The following CCDC13 variants were observed in gnomAD, a reference collection of about 807,000 sequenced individuals.
The protein encoded by CCDC13 is coiled-coil domain containing 13.
In CCDC13, 70 loss-of-function variants were observed where a neutral mutation model predicts 87.3. The observed-to-expected ratio is 0.80, with a 90% confidence interval of 0.66 to 0.98. CCDC13 has a LOEUF of 0.98. Among genes scored for constraint, CCDC13 ranks in the 50% least tolerant of loss-of-function variants. The probability of loss-of-function intolerance (pLI) is 0.00; values close to 1 mark genes in which losing one functional copy is unlikely to be tolerated. For synonymous variants in CCDC13, 317 were observed against 360.3 expected (o/e 0.88, Z 1.36); for missense variants, 842 against 892.0 (o/e 0.94, Z 0.71).
intron 13 of CCDC13, among the ~76,000 whole-genome samples, chr3:42,728,286 G>C (rs1028577389): frequency 6.6e-6 from 1 of 152,124 alleles, no homozygotes; most frequent in Non-Finnish European, 1.5e-5. Context: ...TGGGATGCTG[G>C]GATGAGCACA....
chr3:42,718,496 C>T (rs919906867), intron 13 of CCDC13, among the ~76,000 whole-genome samples: 2 of 152,264 alleles, frequency 1.3e-5, no homozygotes, highest in Admixed American at 1.3e-4. Context: ...AATAAACTTG[C>T]TTTTGCTTTG....
At chr3:42,709,393 C>G (rs1698248875) in intron 15 of CCDC13, among the ~76,000 whole-genome samples, 1 of 152,240 alleles carries the variant, frequency 6.6e-6, no homozygotes, top group South Asian at 2.1e-4. Context: ...CCGTCTTTCC[C>G]TTCCCATGGC....
At chr3:42,751,869 G>T in intron 5 of CCDC13, 67 bp downstream of exon 5, 1 of 1,432,910 alleles carries the variant, frequency 7.0e-7, no homozygotes. Flanking sequence ...CTACACACCT[G>T]TGGAGGAGGG....
Position 42,732,883 on chromosome 3 carries a change from A to C in CCDC13, c.1595+4T>G. 6.4e-7 allele frequency: 1 copy of C among 1,552,100 alleles called. No individual in the cohort carries two copies. On this transcript the variant is annotated splice_donor_region_variant and intron_variant, in intron 12 of 15. Transcript: ENST00000310232. ...GTGAGAGTCCGGGGGTCGGGGGTCC[A>C]TACCTAGGTGAGGTCCTGTGGGGAC...
At position 42,709,818 on chromosome 3, in the gene CCDC13, A is replaced by G. The variant is rs1376278876; in HGVS notation, c.1874-20T>C. ...GCAGACCTGTGGGGCAGCAGCAACC[A>G]CTTTCTGTGAGGAGGCCACAGCCCT... is the stretch of plus-strand genomic sequence containing the variant. On this transcript the variant is annotated intron_variant, in intron 14 of 15. Coordinates refer to ENST00000310232, the MANE Select transcript of CCDC13 (RefSeq NM_144719.4). 2 of 1,592,228 alleles carry G rather than the reference A, an allele frequency of 1.3e-6. No individual in the cohort carries two copies. Among genetic ancestry groups the G allele is most frequent in the Admixed American group, 3.3e-5 (2 of 59,990 alleles).
chr3:42,736,005 G>T, intron 9 of CCDC13, 92 bp from the exon 10 acceptor site: 1 of 1,236,752 alleles, frequency 8.1e-7, no homozygotes, highest in South Asian at 1.3e-5. Flanking sequence ...CCCCAAAGCA[G>T]GCTGCAGGAA....
At chr3:42,767,250 A>C (rs1699949825) in intron 1 of CCDC13, among the ~76,000 whole-genome samples, 1 of 152,216 alleles carries the variant, frequency 6.6e-6, no homozygotes, top group Non-Finnish European at 1.5e-5. Flanking sequence ...AATACACAGA[A>C]GTCAAATGTT....
At chr3:42,771,282 C>G (rs1442972303) in intron 1 of CCDC13, among the ~76,000 whole-genome samples, 1 of 152,122 alleles carries the variant, frequency 6.6e-6, no homozygotes, top group Admixed American at 6.5e-5. Context: ...TAAAAGATAC[C>G]AGTGATTGTA....
chr3:42,713,131 C>A, intron 14 of CCDC13, 31 bp downstream of exon 14: 1 of 1,607,288 alleles, frequency 6.2e-7, no homozygotes, highest in Non-Finnish European at 8.5e-7. Context: ...GCCTCCACCC[C>A]CTGCACTGAG....
At chr3:42,771,511 C>T (rs531873722) in intron 1 of CCDC13, among the ~76,000 whole-genome samples, 1 of 152,216 alleles carries the variant, frequency 6.6e-6, no homozygotes, top group South Asian at 2.1e-4. Flanking sequence ...TCTCAACACT[C>T]TACGAAGCCA....
intron 13 of CCDC13, among the ~76,000 whole-genome samples, chr3:42,727,189 T>A (rs1015367495): frequency 6.6e-6 from 1 of 151,950 alleles, no homozygotes; most frequent in Non-Finnish European, 1.5e-5. Flanking sequence ...CTGGCCAACA[T>A]GGTGAAACCC....
chr3:42,728,506 T>C lies in CCDC13; in HGVS notation c.1718+1961A>G, dbSNP rs565174935. 2.6e-5 allele frequency among the ~76,000 whole-genome samples: 4 copies of C among 152,230 alleles called. No individual in the cohort carries two copies. In the South Asian group the frequency reaches 8.3e-4, roughly 32 times the overall value. On this transcript the variant is annotated intron_variant, in intron 13 of 15. Coordinates refer to ENST00000310232, the MANE Select transcript of CCDC13 (RefSeq NM_144719.4). ...TACTTTGGGATAGTTAAAACATTAG[T>C]TAAAACGTTTAGTTTTACTTTAAAA...
chr3:42,745,179 T>C (rs1699359183), intron 7 of CCDC13: 1 of 152,148 alleles, frequency 6.6e-6, no homozygotes, highest in Admixed American at 6.6e-5. Context: ...GCTTGGCAAA[T>C]GGTGGAAGTC....
chr3:42,749,400 T>C (rs1699513983), intron 5 of CCDC13, among the ~76,000 whole-genome samples: 1 of 152,230 alleles, frequency 6.6e-6, no homozygotes, highest in African/African-American at 2.4e-5. Context: ...ACCTGGGCAG[T>C]GATGCCCTGT....
chr3:42,729,863 T>C (rs1030993665), intron 13 of CCDC13, among the ~76,000 whole-genome samples: 2 of 152,250 alleles, frequency 1.3e-5, no homozygotes, highest in Admixed American at 1.3e-4. Context: ...TTAATATTTT[T>C]CAGTGTGGAG....
chr3:42,744,754 G>A (rs34110933), intron 7 of CCDC13, among the ~76,000 whole-genome samples: 35,248 of 140,958 alleles, frequency 0.25, 4,364 homozygotes, highest in Middle Eastern at 0.3. Context: ...GCAGTGAGCC[G>A]AGATCGCACC....
Position 42,741,790 on chromosome 3 carries a change from A to C in CCDC13, c.987+1106T>G, listed in dbSNP as rs552558014. On this transcript the variant is annotated intron_variant, in intron 8 of 15. Coordinates refer to ENST00000310232, the MANE Select transcript of CCDC13 (RefSeq NM_144719.4). Reference sequence around the variant, plus strand: ...TCCACAGCCTTCAAGATACAGGCCAAAAGTCCTGGCTGGCATACAAAGCCC... The same window carrying C: ...TCCACAGCCTTCAAGATACAGGCCACAAGTCCTGGCTGGCATACAAAGCCC... Among the ~76,000 whole-genome samples, 64 of 152,328 alleles carry C rather than the reference A, an allele frequency of 4.2e-4. No individual in the cohort carries two copies. The South Asian group carries it at 7.9e-3, about 19-fold the overall frequency.
intron 1 of CCDC13, among the ~76,000 whole-genome samples, chr3:42,762,448 A>C (rs2125912423): frequency 6.6e-6 from 1 of 152,264 alleles, no homozygotes; most frequent in Middle Eastern, 3.4e-3. Flanking sequence ...TAACAATGTG[A>C]TTCATTGCCA....
rs745561684 is a variant in CCDC13, at chr3:42,709,776, C to T, written c.1896G>A (p.Arg632=). ...TCTTCTCGCTCCCGGTTGGGTTGTG[C>T]CTGTTGTTAGAGGTGGGCAGACCTG... ...TKTGLPTSNN[R]HNPTGSEKKD... The change falls in exon 15 of 16, where the codon AGG becomes AGA. Residue 632 remains arginine, a synonymous_variant. Transcript: ENST00000310232. The T allele has an allele frequency of 3.7e-6, 6 of 1,613,966 alleles. No individual in the cohort carries two copies. Among genetic ancestry groups the T allele is most frequent in the Non-Finnish European group, 5.1e-6 (6 of 1,179,982 alleles).
Sources: gnomAD v4.1 joint callset for allele counts (sites outside exome capture counted in the v4.1 genomes callset) on GRCh38, gnomAD v4.1.1 for gene constraint, MANE v1.5 for transcripts, NCBI Gene and HGNC (gene_info 2026-07-23, HGNC 2026-07-21) for gene names.